The following CCDC146 variants were observed in gnomAD, a reference collection of about 807,000 sequenced individuals.
The protein encoded by CCDC146 is coiled-coil domain-containing protein 146.
CCDC146 carries 92 observed loss-of-function variants against 119.3 expected under a neutral mutation model. The observed-to-expected ratio is 0.77, with a 90% CI of 0.65 to 0.92. CCDC146 has a LOEUF of 0.92. CCDC146 is among the 40% of genes least tolerant of loss of function. The pLI, the probability that CCDC146 is intolerant of heterozygous loss-of-function variation, is 0.00. For missense variants in CCDC146, 1,000 were observed against 1,103.0 expected, an observed-to-expected ratio of 0.91 and a Z score of 1.32; for synonymous variants, 372 against 371.8, an observed-to-expected ratio of 1.00 and a Z score of -0.01.
chr7:77,144,065 A>G (rs1429505821), intron 1 of CCDC146, among the ~76,000 whole-genome samples: 4 of 151,762 alleles, frequency 2.6e-5, no homozygotes, highest in Non-Finnish European at 5.9e-5. Flanking sequence ...ATGTTATTCC[A>G]TTTGTTTGTA....
intron 2 of CCDC146, among the ~76,000 whole-genome samples, chr7:77,216,585 A>G (rs1792305356): frequency 6.6e-6 from 1 of 152,130 alleles, no homozygotes; most frequent in Admixed American, 6.6e-5. Flanking sequence ...AGGAAGAATT[A>G]TGCAATTTCT....
chr7:77,258,481 T>C (rs1793223832), intron 6 of CCDC146, among the ~76,000 whole-genome samples: 1 of 152,190 alleles, frequency 6.6e-6, no homozygotes, highest in Non-Finnish European at 1.5e-5. Flanking sequence ...CGTTTTTCAT[T>C]TTCAGTATTG....
At position 77,182,952 on chromosome 7, in the gene CCDC146, T is replaced by C. The variant is rs557462218; in HGVS notation, c.156+15128T>C. ...AGAAACCCCTGCTCTGTACAGATAA[T>C]TTGTGAACTGAATAAAACCGAGCCT... is the stretch of plus-strand genomic sequence containing the variant. On this transcript the variant is annotated intron_variant, in intron 2 of 18. Transcript: ENST00000285871. Among the ~76,000 whole-genome samples, 30 of 152,118 alleles carry C rather than the reference T, an allele frequency of 2.0e-4. No homozygotes were observed. In the South Asian group the frequency reaches 5.8e-3, roughly 30 times the overall value.
chr7:77,187,521 G>A (rs1791687753), intron 2 of CCDC146, among the ~76,000 whole-genome samples: 1 of 152,170 alleles, frequency 6.6e-6, no homozygotes. Flanking sequence ...AAAACTTAGG[G>A]CCTCAGCGCC....
chr7:77,218,317 C>A (rs1374935255), intron 2 of CCDC146, among the ~76,000 whole-genome samples: 1 of 150,256 alleles, frequency 6.7e-6, no homozygotes, highest in African/African-American at 2.4e-5. Flanking sequence ...ATATTATATG[C>A]AATAGATACA....
chr7:77,196,372 G>A lies in CCDC146; in HGVS notation c.156+28548G>A, dbSNP rs771487735. 1 of 1,614,116 alleles carries A rather than the reference G, an allele frequency of 6.2e-7. No individual in the cohort carries two copies. The highest frequency in any genetic ancestry group is 8.5e-7 in the Non-Finnish European group (1 of 1,180,008). On this transcript the variant is annotated intron_variant, in intron 2 of 18. Transcript: ENST00000285871. This position sits in a 1 kb window ranked among gnomAD's most constrained non-coding sequence, Gnocchi z 4.2. ...GGTGTGCCTCACTTACACCAGGCCA[G>A]GTACCCCAGAAAATCCCATTACGGA...
chr7:77,202,904 T>C (rs1792018354), intron 2 of CCDC146, among the ~76,000 whole-genome samples: 1 of 152,132 alleles, frequency 6.6e-6, no homozygotes, highest in Non-Finnish European at 1.5e-5. Context: ...TTTGCCACAT[T>C]GCCACGTAGG....
At position 77,239,729 on chromosome 7, in the gene CCDC146, G is replaced by A. The variant is rs180806696; in HGVS notation, c.240-1962G>A. 1.8e-3 allele frequency among the ~76,000 whole-genome samples: 274 copies of A among 152,330 alleles called. 1 individual carries two copies. The highest frequency in any genetic ancestry group is 6.3e-3 in the African/African-American group (263 of 41,568). On this transcript the variant is annotated intron_variant, in intron 3 of 18. Transcript: ENST00000285871. ...AGGTAGCTAATATAAGGGTTTCTGGGAAAGAGGAATCATATCTACTGGTAA... is the reference window on the plus strand; with the variant it reads ...AGGTAGCTAATATAAGGGTTTCTGGAAAAGAGGAATCATATCTACTGGTAA...
In CCDC146 at chr7:77,274,494, G is replaced by T; in HGVS notation, c.1282G>T (p.Glu428Ter). ...RNLAQQKIISEMESKLVEQQL... is the reference protein window; with the variant it reads ...RNLAQQKIIS ...TTTTTTTCAAAAGAAAATTATATCA[G>T]AAATGGAGTCTAAGTTAGTAGAACA... Residue 428 changes from glutamate to a stop codon, truncating the protein, a stop_gained, in exon 11 of 19, where the codon GAA (glutamate) becomes TAA (stop). Transcript: ENST00000285871. LOFTEE classifies it high-confidence loss of function. 6.4e-7 allele frequency: 1 copy of T among 1,563,050 alleles called. No individual in the cohort carries two copies. The highest frequency in any genetic ancestry group is 8.6e-7 in the Non-Finnish European group (1 of 1,158,224).
intron 1 of CCDC146, among the ~76,000 whole-genome samples, chr7:77,134,789 T>G (rs1392234809): frequency 6.6e-6 from 1 of 152,186 alleles, no homozygotes; most frequent in African/African-American, 2.4e-5. Context: ...GGTTGGTACC[T>G]GAGCTGCTGG....
chr7:77,287,015 C>A, intron 16 of CCDC146, 89 bp downstream of exon 16: 1 of 1,347,996 alleles, frequency 7.4e-7, no homozygotes, highest in Non-Finnish European at 1.0e-6. Context: ...GTTATGCTGA[C>A]AGACCTATCC....
intron 2 of CCDC146, among the ~76,000 whole-genome samples, chr7:77,177,523 A>G (rs1048114694): frequency 2.6e-4 from 40 of 152,310 alleles, no homozygotes; most frequent in African/African-American, 9.4e-4. Flanking sequence ...TTCCTGCTTC[A>G]GCGCGCATTT....
At chr7:77,148,534 A>T (rs1562815822) in intron 1 of CCDC146, among the ~76,000 whole-genome samples, 1 of 151,992 alleles carries the variant, frequency 6.6e-6, no homozygotes, top group Non-Finnish European at 1.5e-5. Context: ...AGCTGTTCCT[A>T]TTCAGCCATC....
chr7:77,229,886 G>T lies in CCDC146; in HGVS notation c.157-7061G>T, dbSNP rs566299589. 3.4e-3 allele frequency among the ~76,000 whole-genome samples: 522 copies of T among 152,200 alleles called. 3 individuals carry two copies. Among genetic ancestry groups the T allele is most frequent in the African/African-American group, 0.012 (499 of 41,514 alleles). ...TATATATACAGAGTTGTATAATCAT[G>T]GCATAATTGTAGAATATTTCCGTGA... On this transcript the variant is annotated intron_variant, in intron 2 of 18. Transcript: ENST00000285871.
At chr7:77,203,787 A>C (rs191721241) in intron 2 of CCDC146, among the ~76,000 whole-genome samples, 1 of 152,224 alleles carries the variant, frequency 6.6e-6, no homozygotes, top group East Asian at 1.9e-4. Context: ...GACACATTAC[A>C]CTCACTTACA....
chr7:77,122,786 A>C (rs6948020), intron 1 of CCDC146, 54 bp downstream of exon 1: 60,809 of 154,588 alleles, frequency 0.39, 12,140 homozygotes, highest in Middle Eastern at 0.5. Flanking sequence ...GGAGTAACCT[A>C]TGTGGATGTC....
chr7:77,293,156 C>T lies in CCDC146; in HGVS notation c.2620C>T (p.Arg874Ter), dbSNP rs769913594. ...EIEKEWLKVL[R>*]DEEMHALAIA... Reference sequence around the variant, plus strand: ...TGAGAAAGAATGGTTGAAAGTCCTTCGAGATGAAGAAATGCACGCCTTGGC... The same window carrying T: ...TGAGAAAGAATGGTTGAAAGTCCTTTGAGATGAAGAAATGCACGCCTTGGC... Residue 874 changes from arginine to a stop codon, truncating the protein, a stop_gained, in exon 18 of 19, where the codon CGA (arginine) becomes TGA (stop). Transcript: ENST00000285871. LOFTEE classifies it high-confidence loss of function. 6.2e-6 allele frequency: 10 copies of T among 1,613,942 alleles called. No homozygotes were observed. Among genetic ancestry groups the T allele is most frequent in the South Asian group, 4.4e-5 (4 of 91,066 alleles).
chr7:77,200,490 G>A (rs529843530), intron 2 of CCDC146, among the ~76,000 whole-genome samples: 2 of 152,220 alleles, frequency 1.3e-5, no homozygotes, highest in Admixed American at 1.3e-4. Context: ...GGACATAATT[G>A]TCTTTCATCA....
intron 4 of CCDC146, chr7:77,246,393 A>G (rs756544508): frequency 4.6e-5 from 7 of 152,226 alleles, no homozygotes; most frequent in Admixed American, 3.9e-4. Flanking sequence ...CTCTTCACCC[A>G]TAGATCCTTA....
Sources: gnomAD v4.1 joint callset for allele counts (sites outside exome capture counted in the v4.1 genomes callset) on GRCh38, gnomAD v4.1.1 for gene constraint, Gnocchi (gnomAD v3.1) non-coding constraint, MANE v1.5 for transcripts, NCBI Gene and HGNC (gene_info 2026-07-23, HGNC 2026-07-21) for gene names.